The following SYK variants were observed in gnomAD, a reference collection of about 807,000 sequenced individuals.
The protein encoded by SYK is tyrosine-protein kinase SYK.
A neutral mutation model predicts 77.8 loss-of-function variants in SYK; 16 were observed. The ratio of observed to expected loss-of-function variants is 0.21; its 90% confidence interval spans 0.14 to 0.31. The LOEUF is 0.31. Among genes scored for constraint, SYK ranks in the 10% least tolerant of loss-of-function variants. The pLI, the probability that SYK is intolerant of heterozygous loss-of-function variation, is 1.00. For synonymous variants in SYK, 312 were observed against 308.7 expected (o/e 1.01, Z -0.11); for missense variants, 529 against 814.4 (o/e 0.65, Z 4.26).
chr9:90,834,936 G>A (rs1489765673), intron 1 of SYK, among the ~76,000 whole-genome samples: 1 of 152,204 alleles, frequency 6.6e-6, no homozygotes, highest in Non-Finnish European at 1.5e-5. Flanking sequence ...TCCAGTCAGG[G>A]GTAAGTTACC....
chr9:90,828,235 G>GCCCCCC (rs60327886), intron 1 of SYK, among the ~76,000 whole-genome samples: 1 of 55,440 alleles, frequency 1.8e-5, no homozygotes, highest in Admixed American at 1.7e-4. Flanking sequence ...CCTCACCCCC[G>GCCCCCC]CCCCCCCCCC....
At chr9:90,802,478 T>G (rs1826768549) in intron 1 of SYK, among the ~76,000 whole-genome samples, 1 of 152,196 alleles carries the variant, frequency 6.6e-6, no homozygotes, top group Non-Finnish European at 1.5e-5. Context: ...GGATACATTT[T>G]CATTGTCAAG....
rs1308665942 is a variant in SYK at position 90,896,618 on chromosome 9, C to G, written c.*1018C>G. 1 of 232,836 alleles carries G rather than the reference C, an allele frequency of 4.3e-6. No individual in the cohort carries two copies. Among genetic ancestry groups the G allele is most frequent in the Non-Finnish European group, 8.5e-6 (1 of 117,864 alleles). The allele number at this position is 232,836 out of a possible 1,614,324, so 14.4% of individuals were successfully genotyped here. ...AAGCCAAAGACCCTGAGCCTCACCA[C>G]AAACAGGCCTTTTGGAGTGTGAATT... On this transcript the variant is annotated 3_prime_UTR_variant, in exon 14 of 14. Coordinates refer to ENST00000375754, the MANE Select transcript of SYK (RefSeq NM_003177.7).
intron 13 of SYK, among the ~76,000 whole-genome samples, chr9:90,893,428 A>G (rs1423593465): frequency 6.6e-6 from 1 of 152,070 alleles, no homozygotes; most frequent in Non-Finnish European, 1.5e-5. Context: ...CCTCAGTAGT[A>G]AACAGCCACT....
chr9:90,862,703 C>T (rs1045838289), intron 4 of SYK, among the ~76,000 whole-genome samples: 2 of 152,230 alleles, frequency 1.3e-5, no homozygotes, highest in South Asian at 2.1e-4. Context: ...TAACAAGACA[C>T]TCTCTTTGGA....
intron 1 of SYK, among the ~76,000 whole-genome samples, chr9:90,828,329 G>A (rs1196302612): frequency 2.7e-5 from 4 of 149,796 alleles, no homozygotes; most frequent in East Asian, 2.0e-4. Context: ...CTGCAACTGC[G>A]CTGCCCTTCT....
chr9:90,857,708 ATCC>A (rs771311643), intron 3 of SYK, among the ~76,000 whole-genome samples: 11 of 152,162 alleles, frequency 7.2e-5, no homozygotes, highest in Non-Finnish European at 1.6e-4. Context: ...TCGCTCCCAC[ATCC>A]TCCTCTTCCC....
At chr9:90,811,029 A>C (rs954653346) in intron 1 of SYK, among the ~76,000 whole-genome samples, 3 of 150,144 alleles carry the variant, frequency 2.0e-5, no homozygotes, top group Non-Finnish European at 4.4e-5. Flanking sequence ...AAAGAATAAA[A>C]ATATAGCATT....
intron 1 of SYK, among the ~76,000 whole-genome samples, chr9:90,817,421 A>G (rs981073955): frequency 5.9e-5 from 9 of 151,944 alleles, no homozygotes; most frequent in African/African-American, 2.2e-4. Flanking sequence ...ATTTTTCTCA[A>G]GCTCCACAGA....
intron 11 of SYK, among the ~76,000 whole-genome samples, chr9:90,880,484 G>T (rs290221): frequency 0.11 from 17,131 of 152,230 alleles, 1,251 homozygotes; most frequent in East Asian, 0.3. Flanking sequence ...AACAGAGCAA[G>T]GAAGACAGCA....
At chr9:90,849,231 T>G (rs1826723421) in intron 3 of SYK, among the ~76,000 whole-genome samples, 1 of 152,212 alleles carries the variant, frequency 6.6e-6, no homozygotes, top group Non-Finnish European at 1.5e-5. Flanking sequence ...TACATATACT[T>G]GCAAACCAAA....
chr9:90,806,513 G>T (rs1824842161), intron 1 of SYK, among the ~76,000 whole-genome samples: 2 of 152,146 alleles, frequency 1.3e-5, no homozygotes, highest in African/African-American at 2.4e-5. Flanking sequence ...GGGATTATAG[G>T]CATGATCCAC....
chr9:90,862,220 A>C lies in SYK; in HGVS notation c.593A>C (p.Asp198Ala). 1 of 1,612,434 alleles carries C rather than the reference A, an allele frequency of 6.2e-7. No homozygotes were observed. The highest frequency in any genetic ancestry group is 2.2e-5 in the East Asian group (1 of 44,830). The change falls in exon 4 of 14, where the codon GAC (aspartate) becomes GCC (alanine). Residue 198 changes from aspartate to alanine, a missense_variant. This residue lies in a region of SYK where 321 missense variants were observed against 433.1 expected (regional missense o/e 0.74). Transcript: ENST00000375754. ...TNGKFLIRAR[D>A]NNGSYALCLL... ...CTCTCTTCTAGGATCCGAGCCAGAG[A>C]CAACAACGGCTCCTACGCCCTGTGC...
chr9:90,860,244 T>C (rs1188078060), intron 3 of SYK, among the ~76,000 whole-genome samples: 1 of 152,258 alleles, frequency 6.6e-6, no homozygotes, highest in African/African-American at 2.4e-5. Context: ...ATTGTCACCA[T>C]TCTTTCAAGG....
chr9:90,884,696 T>C lies in SYK; in HGVS notation c.1582-3053T>C, dbSNP rs1447713514. Reference sequence around the variant, plus strand: ...ACATATATACACATATACACATATGTGTACATGTACATATACACATATACA... The same window carrying C: ...ACATATATACACATATACACATATGCGTACATGTACATATACACATATACA... On this transcript the variant is annotated intron_variant, in intron 11 of 13. Transcript: ENST00000375754. Among the ~76,000 whole-genome samples, 4 of 48,952 alleles carry C rather than the reference T, an allele frequency of 8.2e-5. 1 individual carries two copies. The highest frequency in any genetic ancestry group is 1.1e-4 in the Non-Finnish European group (3 of 27,328). The allele number at this position is 48,952 out of a possible 152,430, so 32.1% of individuals were successfully genotyped here.
chr9:90,814,180 C>A (rs1046933077), intron 1 of SYK, among the ~76,000 whole-genome samples: 5 of 151,896 alleles, frequency 3.3e-5, no homozygotes, highest in Admixed American at 3.3e-4. Flanking sequence ...CAAAAGAAAA[C>A]CCAAAGCCTT....
chr9:90,862,434 G>A (rs1442810788), intron 4 of SYK, 90 bp downstream of exon 4: 3 of 1,445,590 alleles, frequency 2.1e-6, no homozygotes, highest in Non-Finnish European at 2.8e-6. Context: ...AGAGGAACTG[G>A]ACCACCCACT....
chr9:90,826,740 G>A (rs1356679208), intron 1 of SYK, among the ~76,000 whole-genome samples: 1 of 152,198 alleles, frequency 6.6e-6, no homozygotes, highest in Non-Finnish European at 1.5e-5. Flanking sequence ...ACTGCAGTGG[G>A]AAATTAAAAA....
intron 3 of SYK, among the ~76,000 whole-genome samples, chr9:90,850,990 C>A (rs917511465): frequency 3.3e-5 from 5 of 152,196 alleles, no homozygotes; most frequent in African/African-American, 1.2e-4. Flanking sequence ...TTTCTCTCCT[C>A]AGAACTATAT....
Sources: allele counts gnomAD v4.1 joint callset (sites outside exome capture counted in the v4.1 genomes callset), GRCh38; gene constraint gnomAD v4.1.1; regional missense constraint gnomAD v4.1.1; transcripts MANE v1.5; gene names NCBI Gene and HGNC (gene_info 2026-07-23, HGNC 2026-07-21).